RIPOR1: variants seen among roughly 807,000 people sequenced by gnomAD.
The protein encoded by RIPOR1 is rho family-interacting cell polarization regulator 1.
Under a neutral mutation model 116.5 loss-of-function variants are expected in RIPOR1, and 58 were observed. The ratio of observed to expected loss-of-function variants is 0.50; its 90% CI spans 0.40 to 0.62. The LOEUF is 0.62. Among genes scored for constraint, RIPOR1 ranks in the 20% least tolerant of loss-of-function variants. The pLI is 0.00. For synonymous variants in RIPOR1, 605 were observed against 650.0 expected, an observed-to-expected ratio of 0.93 and a Z score of 1.05; for missense variants, 1,372 against 1,586.2, an observed-to-expected ratio of 0.86 and a Z score of 2.29.
Position 67,543,301 on chromosome 16 carries a change from G to T in RIPOR1, c.2478+37G>T. On this transcript the variant is annotated intron_variant, in intron 13 of 21. Coordinates refer to ENST00000042381, the MANE Select transcript of RIPOR1 (RefSeq NM_024519.4). The surrounding 1 kb of genome is among the most constrained non-coding windows in gnomAD (Gnocchi z 4.7). ...TGGGCTGGGCTAGGGCAACCAGGGA[G>T]GGCAGCCAGGGGGCGGCAGCCGCTC... The T allele has an allele frequency of 6.2e-7, 1 of 1,606,272 alleles. No individual in the cohort carries two copies. Among genetic ancestry groups the T allele is most frequent in the Non-Finnish European group, 8.5e-7 (1 of 1,177,354 alleles).
chr16:67,543,308 C>A lies in RIPOR1; in HGVS notation c.2479-40C>A. On this transcript the variant is annotated intron_variant, in intron 13 of 21. Transcript: ENST00000042381. The surrounding 1 kb of genome is among the most constrained non-coding windows in gnomAD (Gnocchi z 4.7). ...GGCTAGGGCAACCAGGGAGGGCAGC[C>A]AGGGGGCGGCAGCCGCTCTGATGCC... 1 of 1,606,350 alleles carries A rather than the reference C, an allele frequency of 6.2e-7. No homozygotes were observed. The highest frequency in any genetic ancestry group is 8.5e-7 in the Non-Finnish European group (1 of 1,177,338).
chr16:67,538,831 A>G lies in RIPOR1; in HGVS notation c.257+7A>G. ...CGCTGAAGCGGGGCCTGACGTGAGC[A>G]GCTCCTCTGTTCCCAGCCCTGTCCC... On this transcript the variant is annotated splice_region_variant and intron_variant, in intron 3 of 21. Transcript: ENST00000042381. 6.2e-7 allele frequency: 1 copy of G among 1,612,588 alleles called. No individual in the cohort carries two copies. Among genetic ancestry groups the G allele is most frequent in the Non-Finnish European group, 8.5e-7 (1 of 1,179,822 alleles).
chr16:67,531,471 G>T lies in RIPOR1; in HGVS notation c.-24+2557G>T. 3 of 358,606 alleles carry T rather than the reference G, an allele frequency of 8.4e-6. No individual in the cohort carries two copies. 22.2% of individuals were successfully genotyped at this position (358,606 alleles called of 1,614,324 possible). On this transcript the variant is annotated intron_variant, in intron 1 of 21. Transcript: ENST00000042381. This position sits in a 1 kb window ranked among gnomAD's most constrained non-coding sequence, Gnocchi z 4.2. ...CTGGGTTATGTGGTCTCGGGGTTCA[G>T]AGGGAGGAAGTCAAAAAGGGGGAAC... is the stretch of plus-strand genomic sequence containing the variant.
chr16:67,526,315 G>A (rs190051923), upstream of RIPOR1, among the ~76,000 whole-genome samples: 1 of 152,318 alleles, frequency 6.6e-6, no homozygotes, highest in East Asian at 1.9e-4. Flanking sequence ...CAGGCTGGGA[G>A]TGTAGTGGAA....
chr16:67,542,359 G>A lies in RIPOR1; in HGVS notation c.1573G>A (p.Ala525Thr). ...VPTSTDPAPSAHLDSVHKSTD... is the reference protein window; with the variant it reads ...VPTSTDPAPSTHLDSVHKSTD... ...CACATCTACAGACCCTGCCCCATCTGCACACCTAGACTCAGTTCATAAGTC... is the reference window on the plus strand; with the variant it reads ...CACATCTACAGACCCTGCCCCATCTACACACCTAGACTCAGTTCATAAGTC... Residue 525 changes from alanine (A) to threonine (T), a missense_variant, in exon 13 of 22, where the codon GCA (alanine) becomes ACA (threonine). Transcript: ENST00000042381. This position sits in a 1 kb window ranked among gnomAD's most constrained non-coding sequence, Gnocchi z 4.6. 6.2e-7 allele frequency: 1 copy of A among 1,613,678 alleles called. No individual in the cohort carries two copies. Among genetic ancestry groups the A allele is most frequent in the Non-Finnish European group, 8.5e-7 (1 of 1,179,918 alleles).
At chr16:67,525,193 A>G (rs998616398), upstream of RIPOR1, among the ~76,000 whole-genome samples, 1 of 152,192 alleles carries the variant, frequency 6.6e-6, no homozygotes, top group African/African-American at 2.4e-5. Flanking sequence ...ACTAGCACAC[A>G]TGTGCACACA....
Position 67,530,725 on chromosome 16 carries a change from T to G in RIPOR1, c.-24+1811T>G, listed in dbSNP as rs568766189. ...GGCCATGCGGACAGGTCAGGGCTCCTCCACTCACGGCCATCCTGACCTGGC... is the reference window on the plus strand; with the variant it reads ...GGCCATGCGGACAGGTCAGGGCTCCGCCACTCACGGCCATCCTGACCTGGC... On this transcript the variant is annotated intron_variant, in intron 1 of 21. Transcript: ENST00000042381. This position sits in a 1 kb window ranked among gnomAD's most constrained non-coding sequence, Gnocchi z 4.5. 1.3e-5 allele frequency among the ~76,000 whole-genome samples: 2 copies of G among 152,230 alleles called. No individual in the cohort carries two copies. The highest frequency in any genetic ancestry group is 3.9e-4 in the East Asian group (2 of 5,164).
In RIPOR1 at chr16:67,543,140, C is replaced by A. The variant is rs763801093; in HGVS notation, c.2354C>A (p.Ser785Tyr). The change falls in exon 13 of 22, where the codon TCT becomes TAT. Residue 785 changes from serine to tyrosine, a missense_variant. Transcript: ENST00000042381. This position sits in a 1 kb window ranked among gnomAD's most constrained non-coding sequence, Gnocchi z 4.7. ...QTPVPTAAGG[S>Y]GDRSLEEALG... is the part of the protein sequence containing the mutation. ...CCAGTCCCAACGGCAGCCGGAGGGT[C>A]TGGGGACAGGAGCCTGGAGGAGGCA... The A allele has an allele frequency of 7.2e-6, 11 of 1,530,150 alleles. No individual in the cohort carries two copies. The highest frequency in any genetic ancestry group is 9.6e-6 in the Non-Finnish European group (11 of 1,140,696). 94.8% of individuals were successfully genotyped at this position (1,530,150 alleles called of 1,614,324 possible).
rs370958571 is a variant in RIPOR1 at position 67,544,034 on chromosome 16, G to A, written c.2601-265G>A. Among the ~76,000 whole-genome samples the A allele has an allele frequency of 7.9e-5, 12 of 151,982 alleles. No homozygotes were observed. The highest frequency in any genetic ancestry group is 1.6e-4 in the Non-Finnish European group (11 of 68,008). On this transcript the variant is annotated intron_variant, in intron 14 of 21. Transcript: ENST00000042381. This position sits in a 1 kb window ranked among gnomAD's most constrained non-coding sequence, Gnocchi z 5.1. ...CAGTCCACTTGTCATAAACCATCCCGCCTGCAGCCTACTCCTACCCATGCC... is the reference window on the plus strand; with the variant it reads ...CAGTCCACTTGTCATAAACCATCCCACCTGCAGCCTACTCCTACCCATGCC...
upstream of RIPOR1, among the ~76,000 whole-genome samples, chr16:67,525,807 C>T (rs748174137): frequency 6.6e-6 from 1 of 152,106 alleles, no homozygotes; most frequent in Admixed American, 6.6e-5. Context: ...CAAACAGGGC[C>T]GAGCTGACCA....
chr16:67,544,944 A>T lies in RIPOR1; in HGVS notation c.2870-12A>T. The T allele has an allele frequency of 6.2e-7, 1 of 1,610,008 alleles. No individual in the cohort carries two copies. Among genetic ancestry groups the T allele is most frequent in the Non-Finnish European group, 8.5e-7 (1 of 1,179,088 alleles). On this transcript the variant is annotated splice_polypyrimidine_tract_variant and intron_variant, in intron 16 of 21. Transcript: ENST00000042381. The surrounding 1 kb of genome is among the most constrained non-coding windows in gnomAD (Gnocchi z 5.1). ...CTGCCTGTTGCTGACGGTTTCCCTC[A>T]CCCCCTCACAGTGGTGCAGTTCTCG...
chr16:67,537,546 C>A lies in RIPOR1; in HGVS notation c.-23-878C>A, dbSNP rs2142500090. ...CCAGGGCCGGAAGGTCCGCGGGGGGCGAGCGCGGGTCGGGGGCCGTCCCGG... is the reference window on the plus strand; with the variant it reads ...CCAGGGCCGGAAGGTCCGCGGGGGGAGAGCGCGGGTCGGGGGCCGTCCCGG... On this transcript the variant is annotated intron_variant, in intron 1 of 21. Transcript: ENST00000042381. The surrounding 1 kb of genome is among the most constrained non-coding windows in gnomAD (Gnocchi z 4.6). 3 of 1,353,590 alleles carry A rather than the reference C, an allele frequency of 2.2e-6. No homozygotes were observed. Among genetic ancestry groups the A allele is most frequent in the South Asian group, 3.5e-5 (2 of 57,258 alleles). 83.8% of individuals were successfully genotyped at this position (1,353,590 alleles called of 1,614,324 possible). A position where few individuals can be genotyped will look rare whatever the true frequency, so the allele number is the denominator to read the frequency against.
Position 67,537,533 on chromosome 16 carries a change from G to A in RIPOR1, c.-23-891G>A, listed in dbSNP as rs2050827847. The A allele has an allele frequency of 7.5e-7, 1 of 1,340,432 alleles. No homozygotes were observed. 83.0% of individuals were successfully genotyped at this position (1,340,432 alleles called of 1,614,324 possible). Reference sequence around the variant, plus strand: ...CGGCTCGAAGTGGCCAGGGCCGGAAGGTCCGCGGGGGGCGAGCGCGGGTCG... The same window carrying A: ...CGGCTCGAAGTGGCCAGGGCCGGAAAGTCCGCGGGGGGCGAGCGCGGGTCG... On this transcript the variant is annotated intron_variant, in intron 1 of 21. Coordinates refer to ENST00000042381, the MANE Select transcript of RIPOR1 (RefSeq NM_024519.4). This position sits in a 1 kb window ranked among gnomAD's most constrained non-coding sequence, Gnocchi z 4.6.
At chr16:67,539,476 C>T in intron 4 of RIPOR1, 1 of 584,074 alleles carries the variant, frequency 1.7e-6, no homozygotes. Context: ...GAGCTCTCCC[C>T]AGGCGGCTGC....
chr16:67,536,798 T>C (rs2142492713), intron 1 of RIPOR1, among the ~76,000 whole-genome samples: 1 of 152,220 alleles, frequency 6.6e-6, no homozygotes, highest in South Asian at 2.1e-4. Context: ...GCCCTAACTC[T>C]CCGCCCTCCA....
Position 67,541,363 on chromosome 16 carries a change from C to T in RIPOR1, c.802-67C>T, listed in dbSNP as rs1011443720. On this transcript the variant is annotated intron_variant, in intron 10 of 21. Transcript: ENST00000042381. This position sits in a 1 kb window ranked among gnomAD's most constrained non-coding sequence, Gnocchi z 4.6. ...TTTATAAGTTCTATGCAAATTCAGA[C>T]CTCAGATTTCCCATGATCTCATAGC... 81 of 1,536,466 alleles carry T rather than the reference C, an allele frequency of 5.3e-5. No homozygotes were observed. Among genetic ancestry groups the T allele is most frequent in the Non-Finnish European group, 7.1e-5 (80 of 1,134,076 alleles).
upstream of RIPOR1, chr16:67,528,353 C>A (rs1669121871): frequency 6.6e-6 from 1 of 152,302 alleles, no homozygotes; most frequent in Non-Finnish European, 1.5e-5. Flanking sequence ...CCTGCCTCTA[C>A]AGCGACGCTG....
At chr16:67,538,605 TG>T in intron 2 of RIPOR1, 55 bp downstream of exon 2, 1 of 1,607,326 alleles carries the variant, frequency 6.2e-7, no homozygotes, top group South Asian at 1.1e-5. Context: ...GGGCTGGGTC[TG>T]GGGGTGCGTA....
At chr16:67,524,882 A>G (rs2050526962), upstream of RIPOR1, among the ~76,000 whole-genome samples, 1 of 152,090 alleles carries the variant, frequency 6.6e-6, no homozygotes, top group East Asian at 1.9e-4. Flanking sequence ...CCTCATACAC[A>G]CACACAGTGC....
Sources: gnomAD v4.1 joint callset for allele counts (sites outside exome capture counted in the v4.1 genomes callset) on GRCh38, gnomAD v4.1.1 for gene constraint, Gnocchi (gnomAD v3.1) non-coding constraint, MANE v1.5 for transcripts, NCBI Gene and HGNC (gene_info 2026-07-23, HGNC 2026-07-21) for gene names.